The following NDST4 variants were observed in gnomAD, a reference collection of about 807,000 sequenced individuals.
NDST4 encodes N-deacetylase and N-sulfotransferase 4.
In NDST4, 63 loss-of-function variants were observed where a neutral mutation model predicts 100.8. The observed-to-expected ratio is 0.62, with a 90% confidence interval of 0.51 to 0.77. The LOEUF is 0.77. NDST4 is among the 30% of genes least tolerant of loss of function. NDST4 has a pLI of 0.00. For missense variants in NDST4, 943 were observed against 1,018.4 expected, an observed-to-expected ratio of 0.93 and a Z score of 1.01; for synonymous variants, 377 against 361.8, an observed-to-expected ratio of 1.04 and a Z score of -0.48.
At chr4:115,095,790 T>A (rs1410045699) in intron 1 of NDST4, among the ~76,000 whole-genome samples, 1 of 152,144 alleles carries the variant, frequency 6.6e-6, no homozygotes, top group East Asian at 1.9e-4. Context: ...TTCTTCTTTC[T>A]CCCTACTATT....
At chr4:114,999,184 C>T (rs1727229530) in intron 2 of NDST4, among the ~76,000 whole-genome samples, 1 of 151,904 alleles carries the variant, frequency 6.6e-6, no homozygotes, top group Non-Finnish European at 1.5e-5. Context: ...TTTGTGAATG[C>T]CTATAGGTTT....
At position 114,845,642 on chromosome 4, in the gene NDST4, G is replaced by C. The variant is rs140220018; in HGVS notation, c.2115+181C>G. 4.7e-3 allele frequency among the ~76,000 whole-genome samples: 721 copies of C among 152,242 alleles called. 2 individuals carry two copies. The highest frequency in any genetic ancestry group is 0.017 in the African/African-American group (687 of 41,542). Reference sequence around the variant, plus strand: ...AATTATTTTATGCCTGAAAGTCCTTGCCCAACTTGGTACGAGTTAAATATA... The same window carrying C: ...AATTATTTTATGCCTGAAAGTCCTTCCCCAACTTGGTACGAGTTAAATATA... On this transcript the variant is annotated intron_variant, in intron 10 of 13. Transcript: ENST00000264363.
chr4:114,929,776 GT>G (rs1725474695), intron 6 of NDST4, among the ~76,000 whole-genome samples: 1 of 152,136 alleles, frequency 6.6e-6, no homozygotes, highest in Non-Finnish European at 1.5e-5. Flanking sequence ...TTTATTTTAA[GT>G]TTAAATCTCC....
chr4:115,008,453 T>C lies in NDST4; in HGVS notation c.979-31179A>G, dbSNP rs554570031. ...TAAAGTATTTTATTTCTCCTTCACTTATGAAGCTTAGTTTGGCCGGATATG... is the reference window on the plus strand; with the variant it reads ...TAAAGTATTTTATTTCTCCTTCACTCATGAAGCTTAGTTTGGCCGGATATG... On this transcript the variant is annotated intron_variant, in intron 2 of 13. Transcript: ENST00000264363. Among the ~76,000 whole-genome samples, 27 of 128,960 alleles carry C rather than the reference T, an allele frequency of 2.1e-4. 6 individuals carry two copies. In the South Asian group the frequency reaches 8.1e-3, roughly 39 times the overall value. The allele number at this position is 128,960 out of a possible 152,430, so 84.6% of individuals were successfully genotyped here.
At chr4:115,034,813 T>C (rs1728197916) in intron 2 of NDST4, among the ~76,000 whole-genome samples, 1 of 152,120 alleles carries the variant, frequency 6.6e-6, no homozygotes. Flanking sequence ...ATTATTTCTT[T>C]AAGATGCATG....
At chr4:114,960,532 G>C (rs983815768) in intron 4 of NDST4, among the ~76,000 whole-genome samples, 1 of 151,884 alleles carries the variant, frequency 6.6e-6, no homozygotes, top group Admixed American at 6.6e-5. Flanking sequence ...CTTGAACCCA[G>C]GAGGCAGAGG....
chr4:114,917,700 C>A (rs886288559), intron 6 of NDST4, among the ~76,000 whole-genome samples: 1 of 152,090 alleles, frequency 6.6e-6, no homozygotes, highest in Non-Finnish European at 1.5e-5. Flanking sequence ...AAAGGGAGTG[C>A]AGGGGTGCAT....
At chr4:114,951,571 T>C (rs191194099) in intron 4 of NDST4, among the ~76,000 whole-genome samples, 105 of 152,280 alleles carry the variant, frequency 6.9e-4, no homozygotes, top group Non-Finnish European at 1.8e-4. Context: ...CTAAGAATTA[T>C]GTATACATAA....
chr4:114,949,853 T>C (rs1725950143), intron 4 of NDST4, among the ~76,000 whole-genome samples: 2 of 152,052 alleles, frequency 1.3e-5, no homozygotes, highest in South Asian at 4.1e-4. Context: ...AACATTGGCA[T>C]TGAGTATACA....
intron 1 of NDST4, among the ~76,000 whole-genome samples, chr4:115,079,479 T>C (rs1729258348): frequency 6.6e-6 from 1 of 152,162 alleles, no homozygotes; most frequent in Non-Finnish European, 1.5e-5. Flanking sequence ...TTACTTTCTA[T>C]ACAAGCTTAC....
chr4:114,867,665 C>CAAAAAAAAAAAAAAAAAAAAGAAA, intron 7 of NDST4, among the ~76,000 whole-genome samples: 2 of 79,902 alleles, frequency 2.5e-5, no homozygotes, highest in African/African-American at 9.8e-5. Context: ...AAAAAAAAAG[C>CAAAAAAAAAAAAAAAAAAAAGAAA]AAAAAAAAAA....
At position 115,103,425 on chromosome 4, in the gene NDST4, C is replaced by A. The variant is rs555718466; in HGVS notation, c.-247+10019G>T. The stretch of plus-strand genomic sequence containing the variant: ...TCATTGCCACTGCTCTATATTGGCA[C>A]CTTAAATATCATGAAGTAAAATTTT... On this transcript the variant is annotated intron_variant, in intron 1 of 13. Transcript: ENST00000264363. Among the ~76,000 whole-genome samples, 17 of 152,154 alleles carry A rather than the reference C, an allele frequency of 1.1e-4. No homozygotes were observed. The South Asian group carries it at 3.5e-3, about 32-fold the overall frequency.
At chr4:114,952,359 G>C (rs1371925017) in intron 4 of NDST4, among the ~76,000 whole-genome samples, 1 of 152,010 alleles carries the variant, frequency 6.6e-6, no homozygotes, top group African/African-American at 2.4e-5. Flanking sequence ...AGAAAAAGAT[G>C]CTGCAGTGAA....
intron 2 of NDST4, among the ~76,000 whole-genome samples, chr4:115,015,689 T>C (rs529635898): frequency 2.6e-5 from 4 of 152,154 alleles, no homozygotes; most frequent in Non-Finnish European, 5.9e-5. Flanking sequence ...TACTAATTGT[T>C]CTATGAATAC....
rs373512908 is a variant in NDST4 at position 114,845,919 on chromosome 4, C to A, written c.2019G>T (p.Ser673=). The A allele has an allele frequency of 3.1e-6, 5 of 1,613,850 alleles. No homozygotes were observed. The highest frequency in any genetic ancestry group is 4.5e-5 in the East Asian group (2 of 44,870). Residue 673 remains serine, a synonymous_variant, in exon 10 of 14, where the codon TCG becomes TCT. Transcript: ENST00000264363. ...LFEKSANYFH[S]EEAPRRAASL... ...ATGCGGCTCGTCTTGGAGCTTCTTC[C>A]GAATGGAAGTAATTAGCACTCTTTT...
At chr4:115,059,024 G>A (rs1035911147) in intron 2 of NDST4, among the ~76,000 whole-genome samples, 1 of 151,378 alleles carries the variant, frequency 6.6e-6, no homozygotes, top group African/African-American at 2.4e-5. Context: ...TAGATTTATT[G>A]AGGTCAAGAA....
At chr4:114,986,788 T>TTATATATATA (rs1236404282) in intron 2 of NDST4, among the ~76,000 whole-genome samples, 17 of 65,974 alleles carry the variant, frequency 2.6e-4, no homozygotes, top group African/African-American at 1.2e-3. Context: ...TGGTATCCAA[T>TTATATATATA]TATACATATA....
intron 4 of NDST4, among the ~76,000 whole-genome samples, chr4:114,944,649 C>A (rs1459631892): frequency 6.6e-6 from 1 of 152,148 alleles, no homozygotes; most frequent in African/African-American, 2.4e-5. Flanking sequence ...ATGTAGGTAA[C>A]CTCACAAAAG....
intron 1 of NDST4, among the ~76,000 whole-genome samples, chr4:115,092,014 G>C (rs1180936773): frequency 2.0e-5 from 3 of 152,078 alleles, no homozygotes; most frequent in Non-Finnish European, 2.9e-5. Context: ...TCAAAAAATA[G>C]TCCTTAATTA....
Sources: gnomAD v4.1 joint callset for allele counts (sites outside exome capture counted in the v4.1 genomes callset) on GRCh38, gnomAD v4.1.1 for gene constraint, MANE v1.5 for transcripts, NCBI Gene and HGNC (gene_info 2026-07-23, HGNC 2026-07-21) for gene names.